Variants in GHR observed in about 807,000 individuals in gnomAD.
GHR encodes the protein GH receptor.
Under a neutral mutation model 67.1 loss-of-function variants are expected in GHR, and 35 were observed. That is an observed-to-expected ratio of 0.52 (90% CI 0.40 to 0.69). The LOEUF is 0.69. GHR is among the 30% of genes least tolerant of loss of function. The pLI is 0.00. For synonymous variants in GHR, 272 were observed against 269.1 expected (o/e 1.01, Z -0.10); for missense variants, 792 against 764.6 (o/e 1.04, Z -0.42).
At chr5:42,691,189 C>T (rs995494298) in intron 4 of GHR, among the ~76,000 whole-genome samples, 5 of 152,290 alleles carry the variant, frequency 3.3e-5, no homozygotes, top group East Asian at 1.9e-4. Context: ...TAAAGGGAAA[C>T]GTTCAGACAT....
chr5:42,684,517 A>G (rs972265499), intron 3 of GHR, among the ~76,000 whole-genome samples: 21 of 152,318 alleles, frequency 1.4e-4, no homozygotes, highest in Non-Finnish European at 2.6e-4. Context: ...AGTAAAAAGG[A>G]ATATTTTCAG....
chr5:42,575,197 G>C (rs1420987053), intron 2 of GHR, among the ~76,000 whole-genome samples: 2 of 152,156 alleles, frequency 1.3e-5, no homozygotes, highest in Non-Finnish European at 2.9e-5. Flanking sequence ...GGACCAGTAA[G>C]AGGCAGTCTC....
intron 3 of GHR, among the ~76,000 whole-genome samples, chr5:42,667,023 G>A (rs1756018127): frequency 6.6e-6 from 1 of 152,108 alleles, no homozygotes; most frequent in South Asian, 2.1e-4. Flanking sequence ...CTAGAGCTTG[G>A]AGTTGGCTCT....
chr5:42,598,077 G>C (rs1398868613), intron 2 of GHR, among the ~76,000 whole-genome samples: 1 of 152,178 alleles, frequency 6.6e-6, no homozygotes, highest in Admixed American at 6.5e-5. Context: ...GACAAGAGAA[G>C]ACTGATCAGG....
chr5:42,459,595 G>A (rs1356545711), intron 1 of GHR, among the ~76,000 whole-genome samples: 1 of 151,964 alleles, frequency 6.6e-6, no homozygotes, highest in African/African-American at 2.4e-5. Context: ...AAAATAATCT[G>A]TACACCAAAC....
chr5:42,471,952 C>T (rs550993017), intron 1 of GHR, among the ~76,000 whole-genome samples: 5 of 152,238 alleles, frequency 3.3e-5, no homozygotes, highest in South Asian at 2.1e-4. Flanking sequence ...AGTGGGAACT[C>T]GTCATTCATT....
chr5:42,451,028 A>C (rs1335664830), intron 1 of GHR, among the ~76,000 whole-genome samples: 1 of 152,294 alleles, frequency 6.6e-6, no homozygotes, highest in South Asian at 2.1e-4. Context: ...AAATTTATTG[A>C]GACTCGTTTA....
rs565121266 is a variant in GHR at position 42,607,471 on chromosome 5, C to CTAAG, written c.71-21566_71-21563dup. ...CATCAACTAGGTGTTCCAAACTGTG[C>CTAAG]TAAGGGCTAGGGAAAAGGCTTTGTT... On this transcript the variant is annotated intron_variant, in intron 2 of 9. Coordinates refer to ENST00000230882, the MANE Select transcript of GHR (RefSeq NM_000163.5). Among the ~76,000 whole-genome samples the CTAAG allele has an allele frequency of 4.2e-3, 634 of 152,190 alleles. 1 individual carries two copies. The highest frequency in any genetic ancestry group is 0.014 in the African/African-American group (595 of 41,514).
chr5:42,474,438 G>A (rs1283527749), intron 1 of GHR, among the ~76,000 whole-genome samples: 2 of 152,250 alleles, frequency 1.3e-5, no homozygotes, highest in African/African-American at 4.8e-5. Context: ...ATGGCAGTGT[G>A]CTCTACCTGC....
chr5:42,483,884 G>A (rs1383674238), intron 1 of GHR, among the ~76,000 whole-genome samples: 1 of 152,200 alleles, frequency 6.6e-6, no homozygotes, highest in Non-Finnish European at 1.5e-5. Flanking sequence ...TGAAAACACA[G>A]TTGTAACATA....
intron 1 of GHR, among the ~76,000 whole-genome samples, chr5:42,496,839 G>A (rs928165111): frequency 6.6e-6 from 1 of 152,102 alleles, no homozygotes; most frequent in African/African-American, 2.4e-5. Flanking sequence ...CAAAAACCCA[G>A]GGCAGAATGG....
chr5:42,595,385 A>G (rs548787107), intron 2 of GHR, among the ~76,000 whole-genome samples: 2 of 152,348 alleles, frequency 1.3e-5, no homozygotes, highest in South Asian at 2.1e-4. Flanking sequence ...TATGGTCAGT[A>G]TAAATCTTAT....
chr5:42,500,605 TA>T (rs1425577446), intron 1 of GHR, among the ~76,000 whole-genome samples: 1 of 152,208 alleles, frequency 6.6e-6, no homozygotes, highest in Non-Finnish European at 1.5e-5. Context: ...ATACAGCATA[TA>T]AAATGATGGG....
intron 2 of GHR, among the ~76,000 whole-genome samples, chr5:42,595,873 G>A (rs1328184183): frequency 2.0e-5 from 3 of 152,246 alleles, no homozygotes; most frequent in East Asian, 1.9e-4. Context: ...TCTGGCTGAC[G>A]TGGCACTGCA....
At chr5:42,512,435 A>G (rs956018875) in intron 1 of GHR, among the ~76,000 whole-genome samples, 4 of 152,068 alleles carry the variant, frequency 2.6e-5, no homozygotes, top group African/African-American at 7.2e-5. Flanking sequence ...AATCGATCCA[A>G]CTATACAGCT....
chr5:42,659,105 T>C (rs1755421644), intron 3 of GHR: 1 of 152,174 alleles, frequency 6.6e-6, no homozygotes, highest in Non-Finnish European at 1.5e-5. Context: ...ATGGTGGTGG[T>C]TGTTTATTGA....
At chr5:42,658,109 A>C (rs558696392) in intron 3 of GHR, among the ~76,000 whole-genome samples, 2 of 152,296 alleles carry the variant, frequency 1.3e-5, no homozygotes, top group South Asian at 4.1e-4. Context: ...AAGAGGAAGT[A>C]CAAAACTATC....
At chr5:42,525,127 C>G (rs1301453448) in intron 1 of GHR, among the ~76,000 whole-genome samples, 11 of 152,146 alleles carry the variant, frequency 7.2e-5, no homozygotes. Flanking sequence ...CTCCAGACCC[C>G]AGAATGGTAG....
chr5:42,711,396 T>C (rs1579660341), intron 7 of GHR, 24 bp downstream of exon 7: 3 of 1,561,148 alleles, frequency 1.9e-6, no homozygotes, highest in East Asian at 4.5e-5. Context: ...AAGATTAAAA[T>C]AGTAGCTAAC....
Sources: gnomAD v4.1 joint callset for allele counts (sites outside exome capture counted in the v4.1 genomes callset) on GRCh38, gnomAD v4.1.1 for gene constraint, MANE v1.5 for transcripts, NCBI Gene and HGNC (gene_info 2026-07-23, HGNC 2026-07-21) for gene names.